The following CTSD variants were observed in gnomAD, a reference collection of about 807,000 sequenced individuals.
The protein encoded by CTSD is ceroid-lipofuscinosis, neuronal 10.
A neutral mutation model predicts 43.6 loss-of-function variants in CTSD; 28 were observed. The ratio of observed to expected loss-of-function variants is 0.64; its 90% CI spans 0.48 to 0.88. The LOEUF (loss-of-function observed/expected upper bound fraction) is 0.88, where lower values mean the gene tolerates loss of function less well. Among genes scored for constraint, CTSD ranks in the 40% least tolerant of loss-of-function variants. The pLI, the probability that CTSD is intolerant of heterozygous loss-of-function variation, is 0.00. For missense variants in CTSD, 485 were observed against 555.2 expected, an observed-to-expected ratio of 0.87 and a Z score of 1.27; for synonymous variants, 270 against 249.8, an observed-to-expected ratio of 1.08 and a Z score of -0.76.
intron 2 of CTSD, among the ~76,000 whole-genome samples, chr11:1,759,905 T>C (rs1239531923): frequency 6.6e-6 from 1 of 152,180 alleles, no homozygotes; most frequent in Admixed American, 6.5e-5. Context: ...CAATACATGG[T>C]GAGGCTGAGG....
At chr11:1,754,830 AC>A (rs1845789967) in intron 6 of CTSD, 75 bp downstream of exon 6, 5 of 1,601,874 alleles carry the variant, frequency 3.1e-6, no homozygotes, top group African/African-American at 1.3e-5. Context: ...CACCTGCAGA[AC>A]CGGGGTCCTC....
At chr11:1,756,042 C>T (rs906842354) in intron 5 of CTSD, among the ~76,000 whole-genome samples, 1 of 152,164 alleles carries the variant, frequency 6.6e-6, no homozygotes, top group African/African-American at 2.4e-5. Context: ...GGCACTCACT[C>T]TGTGTGCCCC....
Position 1,753,114 on chromosome 11 carries a change from G to A in CTSD, c.*389C>T, listed in dbSNP as rs1342782506. The A allele has an allele frequency of 1.5e-5, 5 of 323,134 alleles. No homozygotes were observed. Among genetic ancestry groups the A allele is most frequent in the South Asian group, 7.9e-5 (3 of 38,086 alleles). 20.0% of individuals were successfully genotyped at this position (323,134 alleles called of 1,614,324 possible). A position where few individuals can be genotyped will look rare whatever the true frequency, so the allele number is the denominator to read the frequency against. On this transcript the variant is annotated 3_prime_UTR_variant, in exon 9 of 9. Coordinates refer to ENST00000236671, the MANE Select transcript of CTSD (RefSeq NM_001909.5). ...TTTCCAAGGGAGGGCCCGGGAGGAC[G>A]GCCTGGTGTGGGGTAGGGGCTCAGC... is the stretch of plus-strand genomic sequence containing the variant.
At chr11:1,755,308 T>C in intron 5 of CTSD, 1 of 496,614 alleles carries the variant, frequency 2.0e-6, no homozygotes, top group South Asian at 2.0e-5. Context: ...CAGCCAGACA[T>C]CAGGGTCAAG....
Position 1,759,623 on chromosome 11 carries a change from T to G in CTSD, c.245A>C (p.Glu82Ala). 1 of 1,613,194 alleles carries G rather than the reference T, an allele frequency of 6.2e-7. No homozygotes were observed. The highest frequency in any genetic ancestry group is 8.5e-7 in the Non-Finnish European group (1 of 1,179,888). Residue 82 changes from glutamate to alanine, a missense_variant, in exon 3 of 9, where the codon GAG (glutamate) becomes GCG (alanine). Coordinates refer to ENST00000236671, the MANE Select transcript of CTSD (RefSeq NM_001909.5). ...CTGGGGGGGCGTCCCGATGCCAATC[T>G]CCCCGTAGTACTGGGCCTGGCAGGG... is the stretch of plus-strand genomic sequence containing the variant. Reference protein sequence around the residue: ...KNYMDAQYYGEIGIGTPPQCF... With the variant: ...KNYMDAQYYGAIGIGTPPQCF...
intron 5 of CTSD, 58 bp from the exon 6 acceptor site, chr11:1,755,086 G>A: frequency 1.9e-6 from 3 of 1,608,122 alleles, no homozygotes; most frequent in South Asian, 1.1e-5. Flanking sequence ...AAGAGTGCCA[G>A]GTCAGGAGTA....
At chr11:1,756,048 G>A (rs1845805415) in intron 5 of CTSD, among the ~76,000 whole-genome samples, 1 of 151,770 alleles carries the variant, frequency 6.6e-6, no homozygotes, top group South Asian at 2.1e-4. Flanking sequence ...CACTCTGTGT[G>A]CCCCTCCTTC....
intron 2 of CTSD, 184 bp downstream of exon 2, chr11:1,761,125 G>T: frequency 1.5e-6 from 1 of 669,778 alleles, no homozygotes; most frequent in Non-Finnish European, 2.7e-6. Flanking sequence ...CAATGACAGG[G>T]GCCAGTGGCA....
chr11:1,757,295 G>A (rs777479328), intron 5 of CTSD, 29 bp downstream of exon 5: 21 of 1,587,230 alleles, frequency 1.3e-5, no homozygotes, highest in South Asian at 3.3e-5. Flanking sequence ...TCCCAGCAAC[G>A]CGGAGCGAGA....
intron 2 of CTSD, 119 bp downstream of exon 2, chr11:1,761,190 G>T: frequency 1.8e-6 from 2 of 1,124,294 alleles, no homozygotes; most frequent in South Asian, 1.3e-5. Context: ...CGCCACCGTG[G>T]CCAGGTGAGC....
At position 1,754,215 on chromosome 11, in the gene CTSD, C is replaced by T. The variant is rs768118630; in HGVS notation, c.828-77G>A. On this transcript the variant is annotated intron_variant, in intron 6 of 8. Coordinates refer to ENST00000236671, the MANE Select transcript of CTSD (RefSeq NM_001909.5). ...GGGCCCAGTGCCCCTCCCTGGGAGC[C>T]CCTCCCCTGGCTGGGCTGCACTCTC... 2.0e-6 allele frequency: 3 copies of T among 1,532,642 alleles called. No homozygotes were observed. The South Asian group carries it at 3.5e-5, about 18-fold the overall frequency. 94.9% of individuals were successfully genotyped at this position (1,532,642 alleles called of 1,614,324 possible).
chr11:1,755,208 G>A (rs993685422), intron 5 of CTSD, 180 bp from the exon 6 acceptor site: 21 of 737,344 alleles, frequency 2.8e-5, no homozygotes, highest in Non-Finnish European at 4.2e-5. Flanking sequence ...CTTCTTCCCG[G>A]GGTAGGGCTG....
At chr11:1,757,792 A>T (rs1211592694) in intron 4 of CTSD, among the ~76,000 whole-genome samples, 2 of 152,110 alleles carry the variant, frequency 1.3e-5, no homozygotes, top group Non-Finnish European at 2.9e-5. Context: ...CGAGATGGGA[A>T]CCAGGCAGGA....
At chr11:1,763,359 G>GT (rs1483311175) in intron 1 of CTSD, among the ~76,000 whole-genome samples, 1 of 152,240 alleles carries the variant, frequency 6.6e-6, no homozygotes, top group Non-Finnish European at 1.5e-5. Flanking sequence ...TTCACAGGTG[G>GT]TAAAGGGGTC....
chr11:1,754,268 C>G, intron 6 of CTSD, 130 bp from the exon 7 acceptor site: 1 of 1,111,182 alleles, frequency 9.0e-7, no homozygotes, highest in East Asian at 2.7e-5. Context: ...GGAAGCACAG[C>G]CGGCTGTAAG....
chr11:1,760,604 A>G (rs1241609578), intron 2 of CTSD: 1 of 153,908 alleles, frequency 6.5e-6, no homozygotes, highest in Non-Finnish European at 1.4e-5. Context: ...CTCGCGCGCT[A>G]GGACAATCAG....
chr11:1,754,470 G>A (rs1284207383), intron 6 of CTSD, among the ~76,000 whole-genome samples: 1 of 134,634 alleles, frequency 7.4e-6, no homozygotes, highest in East Asian at 2.5e-4. Flanking sequence ...TGGAGGGGAT[G>A]GAGGGTCATG....
chr11:1,754,416 G>C (rs1466124517), intron 6 of CTSD, among the ~76,000 whole-genome samples: 45 of 145,418 alleles, frequency 3.1e-4, no homozygotes, highest in Non-Finnish European at 6.1e-4. Flanking sequence ...GGGATGAAGG[G>C]ATGGAGGGGC....
chr11:1,753,888 C>T lies in CTSD; in HGVS notation c.986G>A (p.Cys329Tyr). ...CGCGGGCAGGGTGGACACCTTCTCA[C>T]AGGGGATCATGTACTAAGAGGGGTC... The part of the protein sequence containing the change: ...PLIQGEYMIP[C>Y]EKVSTLPAIT... The change falls in exon 8 of 9, where the codon TGT becomes TAT. Residue 329 changes from cysteine (C) to tyrosine (Y), a missense_variant. Coordinates refer to ENST00000236671, the MANE Select transcript of CTSD (RefSeq NM_001909.5). 6.2e-7 allele frequency: 1 copy of T among 1,613,484 alleles called. No individual in the cohort carries two copies. The highest frequency in any genetic ancestry group is 8.5e-7 in the Non-Finnish European group (1 of 1,179,642).
Sources: allele counts gnomAD v4.1 joint callset (sites outside exome capture counted in the v4.1 genomes callset), GRCh38; gene constraint gnomAD v4.1.1; transcripts MANE v1.5; gene names NCBI Gene and HGNC (gene_info 2026-07-23, HGNC 2026-07-21).